Variants in RECQL5 observed in about 807,000 individuals in gnomAD.
The protein encoded by RECQL5 is ATP-dependent DNA helicase Q5.
A neutral mutation model predicts 103.4 loss-of-function variants in RECQL5; 88 were observed. The observed-to-expected ratio is 0.85, with a 90% CI of 0.72 to 1.02. The LOEUF is 1.02. Among genes scored for constraint, RECQL5 ranks in the 50% least tolerant of loss-of-function variants. The pLI is 0.00. For synonymous variants in RECQL5, 552 were observed against 507.9 expected (o/e 1.09, Z -1.17); for missense variants, 1,232 against 1,284.3 (o/e 0.96, Z 0.62).
chr17:75,631,660 T>TGGCGGCACCTGGAGCA lies in RECQL5; in HGVS notation c.1230-8_1237dup (p.His413LeufsTer60), dbSNP rs2059216887. On this transcript the variant is annotated frameshift_variant, in exon 9 of 20. Coordinates refer to ENST00000317905, the MANE Select transcript of RECQL5 (RefSeq NM_004259.7). LOFTEE classifies it high-confidence loss of function. ...CCCGAAGTACTTGGCAATGGCGGCA[T>TGGCGGCACCTGGAGCA]GGCGGCACCTGGAGCAGGCAGCACC... 17 of 1,610,710 alleles carry TGGCGGCACCTGGAGCA rather than the reference T, an allele frequency of 1.1e-5. No homozygotes were observed. The highest frequency in any genetic ancestry group is 1.4e-5 in the Non-Finnish European group (17 of 1,179,596).
intron 7 of RECQL5, among the ~76,000 whole-genome samples, chr17:75,655,468 A>G (rs1313713618): frequency 6.6e-6 from 1 of 150,470 alleles, no homozygotes; most frequent in Non-Finnish European, 1.5e-5. Flanking sequence ...GGTTCATGCC[A>G]TTCTCCTGCC....
At chr17:75,647,747 TG>T (rs1209020034) in intron 8 of RECQL5, 6 of 619,552 alleles carry the variant, frequency 9.7e-6, no homozygotes, top group African/African-American at 5.6e-5. Context: ...ACTAGTAAGA[TG>T]GGGAGGCTGG....
intron 8 of RECQL5, 154 bp downstream of exon 8, chr17:75,651,032 C>A: frequency 6.5e-7 from 1 of 1,544,804 alleles, no homozygotes; most frequent in South Asian, 1.3e-5. Context: ...AGAGCAAGGT[C>A]CTGACTTCCA....
Position 75,628,947 on chromosome 17 carries a change from T to C in RECQL5, c.2476A>G (p.Arg826Gly), listed in dbSNP as rs1470497892. 4 of 1,572,814 alleles carry C rather than the reference T, an allele frequency of 2.5e-6. No homozygotes were observed. Among genetic ancestry groups the C allele is most frequent in the Non-Finnish European group, 3.4e-6 (4 of 1,164,908 alleles). ...CTGTACCCTTACCTTGGCCTCTCCCTGAGGCACTCCTCAGTCTGGGGAGGG... is the reference window on the plus strand; with the variant it reads ...CTGTACCCTTACCTTGGCCTCTCCCCGAGGCACTCCTCAGTCTGGGGAGGG... ...PAPPQTEECLRERPSTCPPRD... is the reference protein window; with the variant it reads ...PAPPQTEECLGERPSTCPPRD... The change falls in exon 16 of 20, where the codon AGG (arginine) becomes GGG (glycine). Residue 826 changes from arginine to glycine, a missense_variant. Coordinates refer to ENST00000317905, the MANE Select transcript of RECQL5 (RefSeq NM_004259.7).
intron 8 of RECQL5, chr17:75,650,456 A>G (rs2059540353): frequency 3.0e-6 from 4 of 1,344,310 alleles, no homozygotes; most frequent in Admixed American, 3.0e-5. Flanking sequence ...ACGGGTGTTT[A>G]GTGGCCTCAG....
chr17:75,657,815 C>T (rs1599050308), intron 7 of RECQL5, among the ~76,000 whole-genome samples: 2 of 150,708 alleles, frequency 1.3e-5, no homozygotes, highest in Admixed American at 1.3e-4. Context: ...TTTGGGAGGC[C>T]GAGGCAGGCG....
chr17:75,667,127 C>G lies in RECQL5; in HGVS notation c.-98G>C, dbSNP rs1202854580. On this transcript the variant is annotated 5_prime_UTR_variant, in exon 1 of 20. Coordinates refer to ENST00000317905, the MANE Select transcript of RECQL5 (RefSeq NM_004259.7). ...CGAAGACCCCTATACACAACCCCAA[C>G]TCAGAGAAGCCAAAGCGCTGGGAAT... 1 of 529,412 alleles carries G rather than the reference C, an allele frequency of 1.9e-6. No individual in the cohort carries two copies. The highest frequency in any genetic ancestry group is 3.4e-6 in the Non-Finnish European group (1 of 296,408). The allele number at this position is 529,412 out of a possible 1,614,324, so 32.8% of individuals were successfully genotyped here.
intron 4 of RECQL5, 38 bp from the exon 5 acceptor site, chr17:75,661,746 A>G (rs1180847427): frequency 1.3e-6 from 2 of 1,491,430 alleles, no homozygotes; most frequent in East Asian, 2.3e-5. Context: ...AAGCATAGCA[A>G]GAACAGAACA....
At chr17:75,642,324 C>T (rs975413802) in intron 8 of RECQL5, among the ~76,000 whole-genome samples, 1 of 152,218 alleles carries the variant, frequency 6.6e-6, no homozygotes, top group Admixed American at 6.5e-5. Context: ...TCTTGGCCTG[C>T]GTGACCCGTG....
At chr17:75,638,230 T>C (rs2059364587) in intron 8 of RECQL5, 1 of 152,104 alleles carries the variant, frequency 6.6e-6, no homozygotes, top group Non-Finnish European at 1.5e-5. Context: ...ACACCTGTAA[T>C]CCCAACACTT....
Position 75,666,533 on chromosome 17 carries a change from G to A in RECQL5, c.25C>T (p.Pro9Ser), listed in dbSNP as rs1568290382. The A allele has an allele frequency of 6.2e-6, 10 of 1,614,140 alleles. No individual in the cohort carries two copies. Among genetic ancestry groups the A allele is most frequent in the Non-Finnish European group, 7.6e-6 (9 of 1,180,030 alleles). The change falls in exon 2 of 20, where the codon CCT (proline) becomes TCT (serine). Residue 9 changes from proline (P) to serine (S), a missense_variant. Transcript: ENST00000317905. ...CGGACTCGCCGCTCAGGGTCAAAAG[G>A]AAAGGTGGTATGGTGGCTGCTCATC... MSSHHTTF[P>S]FDPERRVRST... is the part of the protein sequence containing the mutation.
chr17:75,628,463 G>C (rs2059144783), intron 17 of RECQL5, 21 bp from the exon 18 acceptor site: 1 of 1,609,442 alleles, frequency 6.2e-7, no homozygotes, highest in East Asian at 2.2e-5. Context: ...CCACAGCAGA[G>C]GGTCACTCCT....
In RECQL5 at chr17:75,640,942, T is replaced by C; in HGVS notation, c.1230-9274A>G. On this transcript the variant is annotated intron_variant, in intron 8 of 19. Transcript: ENST00000317905. The surrounding 1 kb of genome is among the most constrained non-coding windows in gnomAD (Gnocchi z 4.6). Reference sequence around the variant, plus strand: ...GAGAAGCTGGAGAGGAGATGGCCAATGCCATGACACAGGCCATCAGCCTGG... The same window carrying C: ...GAGAAGCTGGAGAGGAGATGGCCAACGCCATGACACAGGCCATCAGCCTGG... The C allele has an allele frequency of 6.5e-7, 1 of 1,533,826 alleles. No individual in the cohort carries two copies.
chr17:75,666,446 T>C lies in RECQL5; in HGVS notation c.112A>G (p.Thr38Ala), dbSNP rs747371486. 84 of 1,613,980 alleles carry C rather than the reference T, an allele frequency of 5.2e-5. No individual in the cohort carries two copies. Among genetic ancestry groups the C allele is most frequent in the Non-Finnish European group, 6.9e-5 (82 of 1,180,028 alleles). Residue 38 changes from threonine (T) to alanine (A), a missense_variant, in exon 2 of 20, where the codon ACC becomes GCC. Coordinates refer to ENST00000317905, the MANE Select transcript of RECQL5 (RefSeq NM_004259.7). ...SFKTPLQESA[T>A]MAVVKGNKDV... ...ATGTTACCTTTTACTACAGCCATGG[T>C]CGCACTCTCCTGTAAAGGCGTCTTA...
chr17:75,631,059 A>T, intron 10 of RECQL5, 49 bp from the exon 11 acceptor site: 1 of 1,612,862 alleles, frequency 6.2e-7, no homozygotes, highest in African/African-American at 1.3e-5. Flanking sequence ...CTGCCGCAGG[A>T]CAGTCCCATC....
intron 3 of RECQL5, among the ~76,000 whole-genome samples, chr17:75,663,324 A>G (rs1367625608): frequency 1.3e-5 from 2 of 152,068 alleles, no homozygotes; most frequent in Non-Finnish European, 2.9e-5. Flanking sequence ...GTAATTTTAT[A>G]TATTTTTAAT....
intron 11 of RECQL5, 64 bp downstream of exon 11, chr17:75,630,910 T>A: frequency 6.3e-7 from 1 of 1,592,572 alleles, no homozygotes; most frequent in Non-Finnish European, 8.6e-7. Flanking sequence ...ACAGCCCGGA[T>A]GAGAATCCTC....
chr17:75,635,938 G>T (rs1336198237), intron 8 of RECQL5: 2 of 854,780 alleles, frequency 2.3e-6, no homozygotes, highest in Non-Finnish European at 1.4e-6. Flanking sequence ...CCTGCGGGAT[G>T]CCTGCCTGTT....
chr17:75,643,771 C>G (rs1283798649), intron 8 of RECQL5, among the ~76,000 whole-genome samples: 1 of 152,212 alleles, frequency 6.6e-6, no homozygotes, highest in Non-Finnish European at 1.5e-5. Flanking sequence ...GACTTGGTCA[C>G]CACCTCTCTG....
Sources: allele counts gnomAD v4.1 joint callset (sites outside exome capture counted in the v4.1 genomes callset), GRCh38; gene constraint gnomAD v4.1.1; non-coding constraint Gnocchi (gnomAD v3.1); transcripts MANE v1.5; gene names NCBI Gene and HGNC (gene_info 2026-07-23, HGNC 2026-07-21).